PLD5: variants seen among roughly 807,000 people sequenced by gnomAD.
PLD5 encodes inactive phospholipase D5.
In PLD5, 36 loss-of-function variants were observed where a neutral mutation model predicts 61.1. The ratio of observed to expected loss-of-function variants is 0.59; its 90% confidence interval spans 0.45 to 0.78. The LOEUF is 0.78. Among genes scored for constraint, PLD5 ranks in the 30% least tolerant of loss-of-function variants. The pLI, the probability that PLD5 is intolerant of heterozygous loss-of-function variation, is 0.00. For synonymous variants in PLD5, 243 were observed against 242.8 expected, an observed-to-expected ratio of 1.00 and a Z score of -0.01; for missense variants, 515 against 644.4, an observed-to-expected ratio of 0.80 and a Z score of 2.17.
intron 1 of PLD5, among the ~76,000 whole-genome samples, chr1:242,403,103 G>A (rs939301482): frequency 6.6e-6 from 1 of 152,218 alleles, no homozygotes; most frequent in South Asian, 2.1e-4. Context: ...TCGGAAAGAT[G>A]CTTAATCATC....
intron 1 of PLD5, among the ~76,000 whole-genome samples, chr1:242,432,032 AAGGGGGCACAACGGT>A (rs1242657205): frequency 6.6e-6 from 1 of 152,178 alleles, no homozygotes; most frequent in African/African-American, 2.4e-5. Flanking sequence ...AGCCACAGGA[AAGGGGGCACAACGGT>A]AGTGGAAGTC....
At chr1:242,158,954 C>T (rs1382041344) in intron 5 of PLD5, among the ~76,000 whole-genome samples, 2 of 152,008 alleles carry the variant, frequency 1.3e-5, no homozygotes, top group African/African-American at 4.8e-5. Flanking sequence ...TTTTAAATCT[C>T]TACTAAAATT....
Position 242,089,563 on chromosome 1 carries a change from A to T in PLD5, c.*291T>A. The stretch of plus-strand genomic sequence containing the variant: ...GGGTAGGTCAGCAGAAAAAGTTCTA[A>T]AACTAGAAAGGAGCAGGAATGAAAG... On this transcript the variant is annotated 3_prime_UTR_variant, in exon 10 of 10. Coordinates refer to ENST00000536534, the MANE Select transcript of PLD5 (RefSeq NM_001372062.1). 3.8e-6 allele frequency: 2 copies of T among 523,806 alleles called. No individual in the cohort carries two copies. The allele number at this position is 523,806 out of a possible 1,614,324, so 32.4% of individuals were successfully genotyped here.
intron 1 of PLD5, among the ~76,000 whole-genome samples, chr1:242,429,426 T>G (rs1409843034): frequency 6.6e-6 from 1 of 152,202 alleles, no homozygotes; most frequent in African/African-American, 2.4e-5. Context: ...TTAATACTTT[T>G]TTTAGAGACA....
At chr1:242,154,513 T>C (rs1290423641) in intron 5 of PLD5, among the ~76,000 whole-genome samples, 2 of 152,192 alleles carry the variant, frequency 1.3e-5, no homozygotes, top group African/African-American at 4.8e-5. Flanking sequence ...TTGAGATACT[T>C]TCCGTCAATA....
intron 2 of PLD5, among the ~76,000 whole-genome samples, chr1:242,320,130 T>C (rs997379205): frequency 3.3e-5 from 5 of 152,200 alleles, no homozygotes; most frequent in African/African-American, 1.2e-4. Context: ...TCATCTTTGA[T>C]TTACAACACA....
intron 1 of PLD5, among the ~76,000 whole-genome samples, chr1:242,482,765 C>T (rs1558598170): frequency 1.3e-5 from 2 of 152,096 alleles, no homozygotes; most frequent in Admixed American, 6.6e-5. Context: ...GTCAGATTCA[C>T]CAAAGTTGAA....
chr1:242,475,284 G>A (rs1450289435), intron 1 of PLD5, among the ~76,000 whole-genome samples: 1 of 151,788 alleles, frequency 6.6e-6, no homozygotes, highest in African/African-American at 2.4e-5. Flanking sequence ...TTAGCTGGGC[G>A]CGGTGGCGGG....
chr1:242,245,187 G>A (rs1672285885), intron 4 of PLD5, among the ~76,000 whole-genome samples: 1 of 152,168 alleles, frequency 6.6e-6, no homozygotes, highest in Admixed American at 6.5e-5. Flanking sequence ...GAGCCTTTTA[G>A]AGAAGGTTAA....
At chr1:242,252,303 G>A (rs1672747475) in intron 4 of PLD5, among the ~76,000 whole-genome samples, 2 of 152,320 alleles carry the variant, frequency 1.3e-5, no homozygotes, top group Non-Finnish European at 2.9e-5. Flanking sequence ...TAAAAAGCAG[G>A]TGCAATTGGG....
chr1:242,253,070 C>T (rs1238212742), intron 4 of PLD5, among the ~76,000 whole-genome samples: 2 of 150,972 alleles, frequency 1.3e-5, no homozygotes, highest in East Asian at 3.9e-4. Flanking sequence ...TTGCCTTGGC[C>T]TCCCAAAGTG....
chr1:242,478,611 A>G (rs1667671916), intron 1 of PLD5, among the ~76,000 whole-genome samples: 1 of 152,224 alleles, frequency 6.6e-6, no homozygotes, highest in Non-Finnish European at 1.5e-5. Flanking sequence ...AAAAGGCATC[A>G]TCTGTGTAGG....
intron 1 of PLD5, among the ~76,000 whole-genome samples, chr1:242,486,124 C>T (rs1431054701): frequency 4.6e-5 from 7 of 151,960 alleles, no homozygotes; most frequent in Admixed American, 3.9e-4. Flanking sequence ...AGAAGAAAAC[C>T]TAGGCAATAC....
chr1:242,116,339 C>T (rs1043354026), intron 6 of PLD5, among the ~76,000 whole-genome samples: 1 of 152,172 alleles, frequency 6.6e-6, no homozygotes, highest in Non-Finnish European at 1.5e-5. Flanking sequence ...GGATCACACA[C>T]CTTCCAGGTT....
chr1:242,504,482 T>C (rs891776836), intron 1 of PLD5, among the ~76,000 whole-genome samples: 2 of 152,204 alleles, frequency 1.3e-5, no homozygotes, highest in African/African-American at 4.8e-5. Context: ...AGAAGGTTAC[T>C]CAATTCATTT....
chr1:242,511,461 A>G (rs753788653), intron 1 of PLD5, among the ~76,000 whole-genome samples: 1 of 152,228 alleles, frequency 6.6e-6, no homozygotes, highest in Non-Finnish European at 1.5e-5. Context: ...ACTTTCACCA[A>G]ACAATAAAGA....
At chr1:242,141,185 C>A (rs1664136812) in intron 5 of PLD5, among the ~76,000 whole-genome samples, 1 of 152,190 alleles carries the variant, frequency 6.6e-6, no homozygotes, top group Admixed American at 6.5e-5. Flanking sequence ...GAAGACGCAA[C>A]ACAGCCTAAG....
chr1:242,375,193 G>A (rs1015349889), intron 1 of PLD5, among the ~76,000 whole-genome samples: 16 of 152,224 alleles, frequency 1.1e-4, no homozygotes, highest in Admixed American at 9.2e-4. Context: ...CAACAGGCTA[G>A]AGGTTTGTGT....
chr1:242,244,144 T>A (rs12083276), intron 4 of PLD5, among the ~76,000 whole-genome samples: 36,184 of 152,156 alleles, frequency 0.24, 4,567 homozygotes, highest in Middle Eastern at 0.33. Context: ...GCAGGGAATA[T>A]CTTGGGATAC....
Sources: allele counts gnomAD v4.1 joint callset (sites outside exome capture counted in the v4.1 genomes callset), GRCh38; gene constraint gnomAD v4.1.1; transcripts MANE v1.5; gene names NCBI Gene and HGNC (gene_info 2026-07-23, HGNC 2026-07-21).